The following TENM4 variants were observed in gnomAD, a reference collection of about 807,000 sequenced individuals.
TENM4 encodes teneurin-4.
TENM4 carries 82 observed loss-of-function variants against 243.3 expected under a neutral mutation model. The observed-to-expected ratio is 0.34, with a 90% CI of 0.28 to 0.40. The LOEUF (loss-of-function observed/expected upper bound fraction) is 0.40, where lower values mean the gene tolerates loss of function less well. Ranked by LOEUF, TENM4 falls within the 10% of genes least tolerant of loss-of-function variation. TENM4 has a pLI of 1.00. For synonymous variants in TENM4, 1,412 were observed against 1,456.3 expected (o/e 0.97, Z 0.69); for missense variants, 3,138 against 3,673.3 (o/e 0.85, Z 3.77).
At chr11:79,439,696 G>T (rs1330674341) in intron 1 of TENM4, among the ~76,000 whole-genome samples, 1 of 128,202 alleles carries the variant, frequency 7.8e-6, no homozygotes, top group East Asian at 2.4e-4. Context: ...CACACACGCC[G>T]CCCCACTACC....
At chr11:79,112,736 C>T (rs1450609307) in intron 4 of TENM4, among the ~76,000 whole-genome samples, 2 of 152,136 alleles carry the variant, frequency 1.3e-5, no homozygotes, top group Non-Finnish European at 2.9e-5. Context: ...TTGTTCCCAT[C>T]TAGCCAGGCT....
At chr11:79,274,498 C>G (rs938362493) in intron 2 of TENM4, among the ~76,000 whole-genome samples, 6 of 152,136 alleles carry the variant, frequency 3.9e-5, no homozygotes, top group Non-Finnish European at 8.8e-5. Flanking sequence ...TAAGGTAGCT[C>G]CCTGCATCTT....
rs367565676 is a variant in TENM4 at position 78,990,397 on chromosome 11, C to A, written c.493+74341G>T. On this transcript the variant is annotated intron_variant, in intron 6 of 33. Transcript: ENST00000278550. The stretch of plus-strand genomic sequence containing the variant: ...AAATTCCCACTGAGAACAATAGGAC[C>A]GGAGCACCCTGCCGCTGGCACAGAG... Among the ~76,000 whole-genome samples the A allele has an allele frequency of 1.6e-4, 25 of 152,190 alleles. No homozygotes were observed. In the East Asian group the frequency reaches 3.9e-3, roughly 24 times the overall value.
chr11:79,124,645 ATGTGTGTGTGTGTG>A (rs35642884), intron 4 of TENM4, among the ~76,000 whole-genome samples: 28 of 133,862 alleles, frequency 2.1e-4, no homozygotes, highest in African/African-American at 7.4e-4. Flanking sequence ...ATATATATAT[ATGTGTGTGTGTGTG>A]TGTGTGTGTG....
intron 6 of TENM4, among the ~76,000 whole-genome samples, chr11:79,059,353 C>T (rs1474533638): frequency 6.6e-6 from 1 of 152,186 alleles, no homozygotes; most frequent in African/African-American, 2.4e-5. Context: ...TGAAATCCTA[C>T]TAGGCTTTCA....
At chr11:79,269,445 C>T (rs1590840153) in intron 2 of TENM4, 1 of 152,358 alleles carries the variant, frequency 6.6e-6, no homozygotes, top group East Asian at 1.9e-4. Flanking sequence ...TTCCTACAGA[C>T]TGTCTCCCAG....
chr11:78,689,018 A>G (rs1337698700), intron 28 of TENM4, among the ~76,000 whole-genome samples: 1 of 152,180 alleles, frequency 6.6e-6, no homozygotes, highest in Non-Finnish European at 1.5e-5. Context: ...ATGCATTTTC[A>G]TGTAATCCTC....
At chr11:79,425,807 A>ACATCAT (rs1198688276) in intron 1 of TENM4, among the ~76,000 whole-genome samples, 3 of 152,220 alleles carry the variant, frequency 2.0e-5, no homozygotes, top group Non-Finnish European at 4.4e-5. Flanking sequence ...CTTCTGAACA[A>ACATCAT]GTGAATTTAA....
At chr11:78,982,078 G>A (rs554869223) in intron 6 of TENM4, among the ~76,000 whole-genome samples, 1 of 152,284 alleles carries the variant, frequency 6.6e-6, no homozygotes, top group East Asian at 1.9e-4. Context: ...TTCTTCAACC[G>A]ATAAGTAGGA....
chr11:79,042,943 CCAA>C (rs146542621), intron 6 of TENM4, among the ~76,000 whole-genome samples: 2,112 of 152,286 alleles, frequency 0.014, 21 homozygotes, highest in Non-Finnish European at 0.023. Flanking sequence ...GAATAAGGTT[CCAA>C]CACCTACATG....
intron 6 of TENM4, among the ~76,000 whole-genome samples, chr11:79,040,094 C>T (rs1471690783): frequency 4.0e-5 from 6 of 151,822 alleles, no homozygotes; most frequent in Admixed American, 2.0e-4. Context: ...CAGAACAGAA[C>T]CTCTTCGTGT....
intron 19 of TENM4, among the ~76,000 whole-genome samples, chr11:78,751,127 T>C (rs1280092977): frequency 6.6e-6 from 1 of 152,144 alleles, no homozygotes; most frequent in Non-Finnish European, 1.5e-5. Flanking sequence ...GCGATCCATC[T>C]GCCTCGGCCT....
chr11:79,404,277 G>A (rs1453534318), intron 1 of TENM4, among the ~76,000 whole-genome samples: 5 of 152,194 alleles, frequency 3.3e-5, no homozygotes, highest in Admixed American at 6.5e-5. Context: ...CAAGGAAGTG[G>A]GGATTCAGTC....
At chr11:78,939,347 A>G (rs996984456) in intron 6 of TENM4, among the ~76,000 whole-genome samples, 6 of 152,218 alleles carry the variant, frequency 3.9e-5, no homozygotes, top group African/African-American at 1.4e-4. Context: ...CTCAAACTTT[A>G]CAGCGTGATC....
intron 24 of TENM4, 112 bp from the exon 25 acceptor site, chr11:78,720,502 T>C: frequency 9.5e-7 from 1 of 1,052,374 alleles, no homozygotes; most frequent in Non-Finnish European, 1.5e-6. Context: ...TATACAATAC[T>C]GTAATAAATA....
intron 6 of TENM4, among the ~76,000 whole-genome samples, chr11:78,977,998 T>G (rs954518424): frequency 1.3e-5 from 2 of 152,096 alleles, no homozygotes; most frequent in Non-Finnish European, 2.9e-5. Context: ...ATGTGGCACA[T>G]ATACACCATG....
intron 13 of TENM4, among the ~76,000 whole-genome samples, chr11:78,812,811 A>G (rs1857526607): frequency 6.6e-6 from 1 of 152,084 alleles, no homozygotes; most frequent in Non-Finnish European, 1.5e-5. Flanking sequence ...CTCCAGCCCC[A>G]TATTCTACTG....
Position 78,669,497 on chromosome 11 carries a change from C to A in TENM4, c.6848G>T (p.Arg2283Leu), listed in dbSNP as rs778832577. The A allele has an allele frequency of 2.5e-6, 4 of 1,613,878 alleles. No homozygotes were observed. In the South Asian group the frequency reaches 4.4e-5, roughly 18 times the overall value. Residue 2283 changes from arginine to leucine, a missense_variant, in exon 32 of 34, where the codon CGG becomes CTG. By Grantham distance (102) the Arg-to-Leu change is moderately radical. Transcript: ENST00000278550. This position sits in a 1 kb window ranked among gnomAD's most constrained non-coding sequence, Gnocchi z 6.4. ...SAGLLIKAYN[R>L]AGSWSVRYRY... ...GTACCTGACACTCCAGCTGCCAGCC[C>A]GGTTGTAGGCCTTGATGAGCAGGCC... is the stretch of plus-strand genomic sequence containing the variant.
chr11:79,307,295 A>C (rs1856642450), intron 1 of TENM4, among the ~76,000 whole-genome samples: 1 of 152,030 alleles, frequency 6.6e-6, no homozygotes, highest in Admixed American at 6.5e-5. Context: ...CCAACAACCC[A>C]ATCCTCACCG....
Sources: allele counts gnomAD v4.1 joint callset (sites outside exome capture counted in the v4.1 genomes callset), GRCh38; gene constraint gnomAD v4.1.1; non-coding constraint Gnocchi (gnomAD v3.1); transcripts MANE v1.5; gene names NCBI Gene and HGNC (gene_info 2026-07-23, HGNC 2026-07-21).